AKAP19: variants seen among roughly 807,000 people sequenced by gnomAD.
AKAP19 encodes small A-kinase anchoring protein.
the AKAP19 span, among the ~76,000 whole-genome samples, chr2:189,954,305 T>G: frequency 6.6e-6 from 1 of 152,264 alleles, no homozygotes; most frequent in East Asian, 1.9e-4. Flanking sequence ...AATTTGCATA[T>G]GTACACACAC....
At chr2:190,019,344 G>A in the AKAP19 span, among the ~76,000 whole-genome samples, 1 of 152,062 alleles carries the variant, frequency 6.6e-6, no homozygotes, top group Non-Finnish European at 1.5e-5. Flanking sequence ...TCTATCTTCT[G>A]CCCTTTGCCA....
At chr2:189,933,643 T>C in the AKAP19 span, among the ~76,000 whole-genome samples, 1 of 152,174 alleles carries the variant, frequency 6.6e-6, no homozygotes, top group African/African-American at 2.4e-5. Flanking sequence ...ACAGAGCCTT[T>C]AATATGTTAA....
At chr2:190,010,265 G>C in the AKAP19 span, among the ~76,000 whole-genome samples, 1 of 152,190 alleles carries the variant, frequency 6.6e-6, no homozygotes, top group Admixed American at 6.5e-5. Flanking sequence ...AGGCAGGAAA[G>C]GAGAATGGGT....
At chr2:189,965,507 CAAAAG>C in the AKAP19 span, among the ~76,000 whole-genome samples, 2 of 151,754 alleles carry the variant, frequency 1.3e-5, no homozygotes, top group Middle Eastern at 3.4e-3. Context: ...AGAAAATTCT[CAAAAG>C]AAAGTGTACA....
chr2:190,183,452 TTA>T, the AKAP19 span, among the ~76,000 whole-genome samples: 37 of 152,208 alleles, frequency 2.4e-4, 1 homozygote, highest in East Asian at 6.0e-3. Flanking sequence ...GTAAATAACA[TTA>T]GTTTAAAAAT....
chr2:189,958,595 GACAC>G, the AKAP19 span, among the ~76,000 whole-genome samples: 3 of 147,446 alleles, frequency 2.0e-5, no homozygotes, highest in African/African-American at 5.0e-5. Flanking sequence ...TATATACACA[GACAC>G]ACACACACAT....
At chr2:190,193,896 TTTC>T in the AKAP19 span, among the ~76,000 whole-genome samples, 5 of 152,152 alleles carry the variant, frequency 3.3e-5, no homozygotes, top group African/African-American at 9.7e-5. Flanking sequence ...GATTTAAACT[TTTC>T]TTCTTTTCTA....
the AKAP19 span, chr2:190,180,568 G>A: frequency 3.6e-4 from 358 of 985,860 alleles, 3 homozygotes; most frequent in Non-Finnish European, 2.0e-4. This position sits in a 1 kb window ranked among gnomAD's most constrained non-coding sequence, Gnocchi z 6.8. Flanking sequence ...GCAGCTGCTT[G>A]GTAGTTGCGG....
chr2:189,977,069 C>T, the AKAP19 span, among the ~76,000 whole-genome samples: 1 of 152,200 alleles, frequency 6.6e-6, no homozygotes, highest in African/African-American at 2.4e-5. Context: ...CTGCATCGCT[C>T]ACGCTGGGAG....
chr2:189,951,551 C>T, the AKAP19 span, among the ~76,000 whole-genome samples: 1 of 152,078 alleles, frequency 6.6e-6, no homozygotes, highest in Admixed American at 6.6e-5. Context: ...TCCCTTTCAT[C>T]AGTTGGTAAA....
At chr2:190,002,020 T>G in the AKAP19 span, among the ~76,000 whole-genome samples, 1 of 152,180 alleles carries the variant, frequency 6.6e-6, no homozygotes, top group Non-Finnish European at 1.5e-5. Flanking sequence ...TGAGCCCTTT[T>G]TGGAGACAGC....
At chr2:190,130,724 G>T in the AKAP19 span, among the ~76,000 whole-genome samples, 1 of 152,268 alleles carries the variant, frequency 6.6e-6, no homozygotes, top group South Asian at 2.1e-4. Flanking sequence ...TTATTCCTAT[G>T]CTAAATAGTT....
the AKAP19 span, among the ~76,000 whole-genome samples, chr2:190,125,743 T>C: frequency 6.6e-6 from 1 of 152,072 alleles, no homozygotes; most frequent in Non-Finnish European, 1.5e-5. Flanking sequence ...TGCCTTTCTA[T>C]AGAGTCATGA....
the AKAP19 span, among the ~76,000 whole-genome samples, chr2:189,965,048 T>C: frequency 6.6e-6 from 1 of 152,202 alleles, no homozygotes; most frequent in African/African-American, 2.4e-5. Context: ...GCTTTTGATT[T>C]AAAGTGAGAG....
At chr2:189,882,386 A>G in the AKAP19 span, among the ~76,000 whole-genome samples, 1 of 152,196 alleles carries the variant, frequency 6.6e-6, no homozygotes, top group Non-Finnish European at 1.5e-5. Context: ...CGTGTGCCCA[A>G]AAGTGGTCAG....
chr2:190,151,479 TGTTA>T, the AKAP19 span, among the ~76,000 whole-genome samples: 1 of 152,210 alleles, frequency 6.6e-6, no homozygotes, highest in Non-Finnish European at 1.5e-5. Flanking sequence ...TCTGTTCCTG[TGTTA>T]GTTTGCTGAG....
chr2:190,011,139 C>T, the AKAP19 span, among the ~76,000 whole-genome samples: 1 of 150,448 alleles, frequency 6.6e-6, no homozygotes, highest in Non-Finnish European at 1.5e-5. Context: ...CTCACTACAG[C>T]CTCCACCTCC....
the AKAP19 span, among the ~76,000 whole-genome samples, chr2:189,912,882 A>G: frequency 6.6e-6 from 1 of 152,176 alleles, no homozygotes; most frequent in African/African-American, 2.4e-5. Flanking sequence ...TTCATTTGTC[A>G]TAGTTGATTT....
chr2:189,931,592 C>G, the AKAP19 span, among the ~76,000 whole-genome samples: 2 of 151,414 alleles, frequency 1.3e-5, no homozygotes, highest in African/African-American at 4.9e-5. Context: ...TCTCGAACTC[C>G]TGTCCTCAAG....
Sources: gnomAD v4.1 joint callset for allele counts (sites outside exome capture counted in the v4.1 genomes callset) on GRCh38, gnomAD v4.1.1 for gene constraint, Gnocchi (gnomAD v3.1) non-coding constraint, MANE v1.5 for transcripts, NCBI Gene and HGNC (gene_info 2026-07-23, HGNC 2026-07-21) for gene names.